Variants in FBXL13 observed in about 807,000 individuals in gnomAD.
The protein encoded by FBXL13 is F-box and leucine rich repeat protein 13, also known as F-box and leucine-rich repeat protein 13.
Under a neutral mutation model 83.6 loss-of-function variants are expected in FBXL13, and 67 were observed. The observed-to-expected ratio is 0.80, with a 90% CI of 0.66 to 0.98. The LOEUF (loss-of-function observed/expected upper bound fraction) is 0.98, where lower values mean the gene tolerates loss of function less well. FBXL13 is among the 50% of genes least tolerant of loss of function. The pLI is 0.00. For missense variants in FBXL13, 822 were observed against 866.5 expected (o/e 0.95, Z 0.64); for synonymous variants, 272 against 299.5 (o/e 0.91, Z 0.95).
intron 16 of FBXL13, among the ~76,000 whole-genome samples, chr7:102,865,866 GAC>G (rs1807573349): frequency 6.6e-6 from 1 of 152,068 alleles, no homozygotes; most frequent in South Asian, 2.1e-4. Flanking sequence ...CTTTTTAAGA[GAC>G]AGTGTCTCGC....
At chr7:102,974,934 T>C (rs1827247488) in intron 6 of FBXL13, among the ~76,000 whole-genome samples, 1 of 152,158 alleles carries the variant, frequency 6.6e-6, no homozygotes, top group Admixed American at 6.5e-5. Flanking sequence ...TAGCATTGTC[T>C]GTACTCATTA....
intron 11 of FBXL13, among the ~76,000 whole-genome samples, chr7:102,897,115 T>A (rs201795495): frequency 6.6e-6 from 1 of 151,656 alleles, no homozygotes; most frequent in African/African-American, 2.4e-5. Flanking sequence ...TACATATATT[T>A]TATATATATG....
intron 16 of FBXL13, among the ~76,000 whole-genome samples, chr7:102,862,776 A>G (rs1807053575): frequency 6.6e-6 from 1 of 152,174 alleles, no homozygotes; most frequent in South Asian, 2.1e-4. Flanking sequence ...TTGAAATAGC[A>G]TCTTCCTTGT....
chr7:102,879,449 G>T (rs949669439), intron 14 of FBXL13, among the ~76,000 whole-genome samples: 1 of 151,418 alleles, frequency 6.6e-6, no homozygotes, highest in Non-Finnish European at 1.5e-5. Flanking sequence ...ATGTGTGTGT[G>T]TGTGTGTGTG....
At chr7:102,948,027 G>T (rs1822803366) in intron 8 of FBXL13, among the ~76,000 whole-genome samples, 1 of 151,720 alleles carries the variant, frequency 6.6e-6, no homozygotes, top group Non-Finnish European at 1.5e-5. Flanking sequence ...CTCCTGCTCT[G>T]GCAAATTGGC....
chr7:102,879,486 A>C (rs1243070440), intron 14 of FBXL13, among the ~76,000 whole-genome samples: 1 of 145,594 alleles, frequency 6.9e-6, no homozygotes, highest in African/African-American at 2.8e-5. Flanking sequence ...AATTCATATT[A>C]TAGTCAAGAA....
At chr7:102,977,696 C>A (rs1363110852) in intron 6 of FBXL13, among the ~76,000 whole-genome samples, 1 of 152,040 alleles carries the variant, frequency 6.6e-6, no homozygotes, top group Non-Finnish European at 1.5e-5. Context: ...TTGGAACCAA[C>A]CCAAATGTCC....
chr7:102,846,246 C>T (rs946314240), intron 17 of FBXL13, among the ~76,000 whole-genome samples: 2 of 152,086 alleles, frequency 1.3e-5, no homozygotes, highest in African/African-American at 4.8e-5. Flanking sequence ...ACAGATTATC[C>T]ATGTCCTCTA....
chr7:103,066,127 C>T lies in FBXL13; in HGVS notation c.-105+8119G>A, dbSNP rs575439874. Among the ~76,000 whole-genome samples the T allele has an allele frequency of 3.9e-5, 6 of 152,308 alleles. No individual in the cohort carries two copies. The East Asian group carries it at 1.2e-3, about 29-fold the overall frequency. On this transcript the variant is annotated intron_variant, in intron 1 of 19. Transcript: ENST00000313221. ...AGGTGTCAAGGGCTACTTTTCTCCT[C>T]CTCAATATTTCTGCAGTATTATAAT...
intron 10 of FBXL13, among the ~76,000 whole-genome samples, chr7:102,913,667 G>A (rs918575579): frequency 6.6e-6 from 1 of 152,218 alleles, no homozygotes; most frequent in African/African-American, 2.4e-5. Flanking sequence ...ACTGTTACAG[G>A]AGAGTGAGGA....
At chr7:102,976,052 C>T in intron 6 of FBXL13, 1 of 766,460 alleles carries the variant, frequency 1.3e-6, no homozygotes, top group Non-Finnish European at 2.4e-6. Flanking sequence ...GAGGACCCCA[C>T]TGGAAGTTGG....
chr7:102,973,859 G>A (rs979676030), intron 6 of FBXL13: 7 of 698,694 alleles, frequency 1.0e-5, no homozygotes, highest in African/African-American at 3.5e-5. Context: ...ATTGGTCCAA[G>A]AAGGCTCCGA....
At chr7:102,937,716 A>T (rs1458292747) in intron 8 of FBXL13, among the ~76,000 whole-genome samples, 1 of 152,172 alleles carries the variant, frequency 6.6e-6, no homozygotes, top group Non-Finnish European at 1.5e-5. Flanking sequence ...TGTGCTTTAG[A>T]TTGATGATGA....
intron 1 of FBXL13, among the ~76,000 whole-genome samples, chr7:103,061,882 G>A (rs1295297784): frequency 4.1e-5 from 6 of 147,126 alleles, no homozygotes; most frequent in Non-Finnish European, 8.9e-5. Context: ...AGCTTGCAGT[G>A]AGCTGAGATC....
At chr7:103,003,492 G>A (rs974442751) in intron 6 of FBXL13, among the ~76,000 whole-genome samples, 1 of 151,588 alleles carries the variant, frequency 6.6e-6, no homozygotes, top group Non-Finnish European at 1.5e-5. Flanking sequence ...TCACCATGTT[G>A]GTCAGGCTGG....
At chr7:102,916,480 T>A (rs558140706) in intron 10 of FBXL13, among the ~76,000 whole-genome samples, 5 of 152,158 alleles carry the variant, frequency 3.3e-5, no homozygotes, top group Non-Finnish European at 2.9e-5. Flanking sequence ...CATGGAACCA[T>A]CAGTTTGAAG....
At chr7:102,905,119 T>A (rs949190052) in intron 11 of FBXL13, among the ~76,000 whole-genome samples, 1 of 152,196 alleles carries the variant, frequency 6.6e-6, no homozygotes, top group African/African-American at 2.4e-5. Flanking sequence ...TAAATATCTA[T>A]CAGATCCATT....
chr7:102,919,580 G>A (rs1443444213), intron 10 of FBXL13, among the ~76,000 whole-genome samples: 7 of 152,112 alleles, frequency 4.6e-5, no homozygotes, highest in Admixed American at 4.6e-4. Context: ...GCATCTCTTA[G>A]CAGGAAAAAA....
At chr7:102,997,927 T>C (rs1037712403) in intron 6 of FBXL13, among the ~76,000 whole-genome samples, 2 of 152,238 alleles carry the variant, frequency 1.3e-5, no homozygotes, top group African/African-American at 2.4e-5. Context: ...TTTGGATTTA[T>C]ACTCAGCAGT....
Sources: gnomAD v4.1 joint callset for allele counts (sites outside exome capture counted in the v4.1 genomes callset) on GRCh38, gnomAD v4.1.1 for gene constraint, MANE v1.5 for transcripts, NCBI Gene and HGNC (gene_info 2026-07-23, HGNC 2026-07-21) for gene names.